The following UNC50 variants were observed in gnomAD, a reference collection of about 807,000 sequenced individuals.
UNC50 encodes the protein protein unc-50 homolog.
Under a neutral mutation model 31.5 loss-of-function variants are expected in UNC50, and 24 were observed. The ratio of observed to expected loss-of-function variants is 0.76; its 90% confidence interval spans 0.55 to 1.07. The LOEUF is 1.07. Among genes scored for constraint, UNC50 ranks in the 50% least tolerant of loss-of-function variants. The probability of loss-of-function intolerance (pLI) is 0.00; values close to 1 mark genes in which losing one functional copy is unlikely to be tolerated. For missense variants in UNC50, 245 were observed against 304.2 expected (o/e 0.81, Z 1.45); for synonymous variants, 118 against 114.7 (o/e 1.03, Z -0.18).
At chr2:98,613,803 C>A (rs148701663) in intron 3 of UNC50, among the ~76,000 whole-genome samples, 1 of 152,164 alleles carries the variant, frequency 6.6e-6, no homozygotes, top group African/African-American at 2.4e-5. Context: ...TTTTTGAGAA[C>A]CTATGTTGTG....
Position 98,609,778 on chromosome 2 carries a change from G to C in UNC50, c.19G>C (p.Val7Leu), listed in dbSNP as rs758055206. 3 of 1,614,132 alleles carry C rather than the reference G, an allele frequency of 1.9e-6. No individual in the cohort carries two copies. The highest frequency in any genetic ancestry group is 2.5e-6 in the Non-Finnish European group (3 of 1,180,048). Reference sequence around the variant, plus strand: ...TAGGAAGATGTTACCGAGTACTTCAGTGAATTCCTTAGTGCAGGGGAACGG... The same window carrying C: ...TAGGAAGATGTTACCGAGTACTTCACTGAATTCCTTAGTGCAGGGGAACGG... Reference protein sequence around the residue: MLPSTSVNSLVQGNGVL... With the variant: MLPSTSLNSLVQGNGVL... Residue 7 changes from valine to leucine, a missense_variant, in exon 2 of 6, where the codon GTG (valine) becomes CTG (leucine). Coordinates refer to ENST00000357765, the MANE Select transcript of UNC50 (RefSeq NM_014044.7).
intron 3 of UNC50, among the ~76,000 whole-genome samples, chr2:98,613,793 T>C (rs573061206): frequency 6.6e-6 from 1 of 152,324 alleles, no homozygotes; most frequent in Non-Finnish European, 1.5e-5. Flanking sequence ...ATTCAGTGTA[T>C]TTTTGAGAAC....
chr2:98,609,196 T>C (rs1431766998), intron 1 of UNC50: 1 of 155,004 alleles, frequency 6.5e-6, no homozygotes, highest in East Asian at 1.9e-4. Context: ...ACTCCGACGC[T>C]ACCGCTCCCT....
chr2:98,616,554 T>G (rs1700925625), intron 5 of UNC50, 21 bp downstream of exon 5: 1 of 1,594,064 alleles, frequency 6.3e-7, no homozygotes, highest in Non-Finnish European at 8.6e-7. Context: ...TTTTTAAATG[T>G]TTTTGGTTGA....
At chr2:98,610,415 C>G (rs1372393569) in intron 2 of UNC50, among the ~76,000 whole-genome samples, 1 of 152,208 alleles carries the variant, frequency 6.6e-6, no homozygotes, top group Non-Finnish European at 1.5e-5. Context: ...AACTGAAGTT[C>G]TCCAATTCCA....
chr2:98,616,327 C>T lies in UNC50; in HGVS notation c.522C>T (p.Ile174=), dbSNP rs966854921. The T allele has an allele frequency of 2.5e-6, 4 of 1,613,828 alleles. No homozygotes were observed. The highest frequency in any genetic ancestry group is 3.4e-6 in the Non-Finnish European group (4 of 1,179,986). ...FYPLLVILHF[I]QLFFINHVIL... ...CACTCCTGGTCATTTTGCATTTTATCCAGCTTTTTTTCATCAACCGTAAGT... is the reference window on the plus strand; with the variant it reads ...CACTCCTGGTCATTTTGCATTTTATTCAGCTTTTTTTCATCAACCGTAAGT... The change falls in exon 4 of 6, where the codon ATC becomes ATT. Residue 174 remains isoleucine, a synonymous_variant. Transcript: ENST00000357765.
chr2:98,610,043 AGT>A lies in UNC50; in HGVS notation c.280+9_280+10del. On this transcript the variant is annotated splice_donor_5th_base_variant and intron_variant, in intron 2 of 5. Transcript: ENST00000357765. ...CTGTTAAGTATCTGGCTCTGTGGTAAGTGTGTTTATCTGAGATAGAATTGAAC... is the reference window on the plus strand; with the variant it reads ...CTGTTAAGTATCTGGCTCTGTGGTAAGTGTTTATCTGAGATAGAATTGAAC... 6.2e-7 allele frequency: 1 copy of A among 1,608,522 alleles called. No homozygotes were observed.
rs371736228 is a variant in UNC50 at position 98,618,342 on chromosome 2, G to A, written c.*38G>A. On this transcript the variant is annotated 3_prime_UTR_variant, in exon 6 of 6. Coordinates refer to ENST00000357765, the MANE Select transcript of UNC50 (RefSeq NM_014044.7). ...AGATTCAATCGTAACTGTGTCAACAGTATTGTGAAGTGATCATTTCTTGTA... is the reference window on the plus strand; with the variant it reads ...AGATTCAATCGTAACTGTGTCAACAATATTGTGAAGTGATCATTTCTTGTA... The A allele has an allele frequency of 2.0e-4, 304 of 1,539,740 alleles. No individual in the cohort carries two copies. Among genetic ancestry groups the A allele is most frequent in the Non-Finnish European group, 2.4e-4 (276 of 1,145,114 alleles).
chr2:98,617,614 TA>T (rs1347788096), intron 5 of UNC50, among the ~76,000 whole-genome samples: 3 of 152,206 alleles, frequency 2.0e-5, no homozygotes, highest in Admixed American at 6.5e-5. Context: ...TCCCGCTAAC[TA>T]AGCAGTGAGC....
intron 2 of UNC50, 107 bp downstream of exon 2, chr2:98,610,146 T>C (rs1203117473): frequency 8.2e-7 from 1 of 1,212,558 alleles, no homozygotes; most frequent in Non-Finnish European, 1.1e-6. Context: ...AAACTATTTC[T>C]CCTTTTTACT....
chr2:98,618,050 C>CA, intron 5 of UNC50, 118 bp from the exon 6 acceptor site: 1 of 1,098,438 alleles, frequency 9.1e-7, no homozygotes, highest in Middle Eastern at 2.7e-4. Context: ...CTTACTGATT[C>CA]AAAATATGCA....
At chr2:98,616,646 T>C (rs900453096) in intron 5 of UNC50, 113 bp downstream of exon 5, 11 of 757,632 alleles carry the variant, frequency 1.5e-5, no homozygotes, top group Non-Finnish European at 2.2e-5. Context: ...ATCCTAAGTA[T>C]TTTATGTGCA....
At position 98,608,596 on chromosome 2, in the gene UNC50, G is replaced by T; in HGVS notation, c.-135G>T. ...GCGTCCGCGGCGGAAGTCGGTTCCCGTGACGCGGCGCGCCCCAAGGGCCGG... is the reference window on the plus strand; with the variant it reads ...GCGTCCGCGGCGGAAGTCGGTTCCCTTGACGCGGCGCGCCCCAAGGGCCGG... On this transcript the variant is annotated 5_prime_UTR_variant, in exon 1 of 6. Transcript: ENST00000357765. 2 of 608,722 alleles carry T rather than the reference G, an allele frequency of 3.3e-6. No homozygotes were observed. Among genetic ancestry groups the T allele is most frequent in the Non-Finnish European group, 5.8e-6 (2 of 342,926 alleles). The allele number at this position is 608,722 out of a possible 1,614,324, so 37.7% of individuals were successfully genotyped here.
chr2:98,610,684 C>G (rs1347182336), intron 2 of UNC50, 91 bp from the exon 3 acceptor site: 1 of 1,499,072 alleles, frequency 6.7e-7, no homozygotes, highest in African/African-American at 1.4e-5. Context: ...GTCTCTCCCA[C>G]TAGCCTGGGC....
intron 2 of UNC50, 43 bp downstream of exon 2, chr2:98,610,082 C>G (rs1028724577): frequency 1.3e-6 from 2 of 1,546,320 alleles, no homozygotes; most frequent in Non-Finnish European, 1.8e-6. Flanking sequence ...CTGAGTGTTT[C>G]TGATTAGATT....
intron 3 of UNC50, among the ~76,000 whole-genome samples, chr2:98,611,495 A>G (rs566821334): frequency 2.6e-4 from 40 of 152,314 alleles, no homozygotes; most frequent in South Asian, 1.9e-3. Context: ...TACATAAACA[A>G]TGGGGCAGAG....
intron 3 of UNC50, among the ~76,000 whole-genome samples, chr2:98,611,901 T>A (rs1021889958): frequency 6.8e-6 from 1 of 148,116 alleles, no homozygotes; most frequent in African/African-American, 2.5e-5. Flanking sequence ...ATTTTTTTTT[T>A]AAACTTCTCA....
rs1048442527 is a variant in UNC50 at position 98,609,869 on chromosome 2, G to A, written c.110G>A (p.Arg37Lys). ...AGAKRYKYLR[R>K]LFRFRQMDFE... ...GCGAAACGCTACAAATATCTGAGAAGGCTTTTCCGCTTTCGGCAAATGGAC... is the reference window on the plus strand; with the variant it reads ...GCGAAACGCTACAAATATCTGAGAAAGCTTTTCCGCTTTCGGCAAATGGAC... Residue 37 changes from arginine to lysine, a missense_variant, in exon 2 of 6, where the codon AGG becomes AAG. Arg to Lys is a conservative substitution (Grantham distance 26, BLOSUM62 2). Coordinates refer to ENST00000357765, the MANE Select transcript of UNC50 (RefSeq NM_014044.7). 6.2e-7 allele frequency: 1 copy of A among 1,614,214 alleles called. No individual in the cohort carries two copies. The highest frequency in any genetic ancestry group is 8.5e-7 in the Non-Finnish European group (1 of 1,180,042).
At chr2:98,618,121 TTA>T (rs770804980) in intron 5 of UNC50, 45 bp from the exon 6 acceptor site, 25 of 1,379,026 alleles carry the variant, frequency 1.8e-5, no homozygotes, top group Admixed American at 3.3e-5. Flanking sequence ...TATTAGTCAT[TTA>T]TTTTTTTTTT....
Sources: gnomAD v4.1 joint callset for allele counts (sites outside exome capture counted in the v4.1 genomes callset) on GRCh38, gnomAD v4.1.1 for gene constraint, MANE v1.5 for transcripts, NCBI Gene and HGNC (gene_info 2026-07-23, HGNC 2026-07-21) for gene names.